Variants in MAML3 observed in about 807,000 individuals in gnomAD.
MAML3 encodes mastermind-like protein 3.
Under a neutral mutation model 101.9 loss-of-function variants are expected in MAML3, and 27 were observed. The observed-to-expected ratio is 0.27, with a 90% CI of 0.20 to 0.37. The LOEUF is 0.37. Ranked by LOEUF, MAML3 falls within the 10% of genes least tolerant of loss-of-function variation. MAML3 has a pLI of 1.00. For synonymous variants in MAML3, 501 were observed against 555.9 expected (o/e 0.90, Z 1.39); for missense variants, 1,316 against 1,444.9 (o/e 0.91, Z 1.45).
intron 1 of MAML3, among the ~76,000 whole-genome samples, chr4:140,097,519 G>A (rs1262270372): frequency 6.6e-6 from 1 of 152,016 alleles, no homozygotes; most frequent in Non-Finnish European, 1.5e-5. Flanking sequence ...TCAAAAAGAT[G>A]GGGCTTTGAA....
At chr4:139,965,071 A>G (rs1403134567) in intron 1 of MAML3, among the ~76,000 whole-genome samples, 2 of 152,270 alleles carry the variant, frequency 1.3e-5, no homozygotes, top group Non-Finnish European at 2.9e-5. Flanking sequence ...TAATTAAATT[A>G]CAAAAATCTA....
At chr4:140,152,637 C>T (rs1197325658) in intron 1 of MAML3, among the ~76,000 whole-genome samples, 2 of 152,124 alleles carry the variant, frequency 1.3e-5, no homozygotes, top group Non-Finnish European at 2.9e-5. Context: ...CTTCTCCCCT[C>T]TCGCCCCCTC....
intron 2 of MAML3, among the ~76,000 whole-genome samples, chr4:139,854,503 C>T (rs1212921448): frequency 6.7e-6 from 1 of 149,588 alleles, no homozygotes; most frequent in Admixed American, 6.7e-5. Context: ...CTCTCAGGGC[C>T]CTTCTAGGTC....
chr4:139,779,353 T>C (rs1474703238), intron 2 of MAML3, among the ~76,000 whole-genome samples: 1 of 152,224 alleles, frequency 6.6e-6, no homozygotes, highest in African/African-American at 2.4e-5. Context: ...CAAAGTGTTA[T>C]CATCAGGTGG....
intron 1 of MAML3, among the ~76,000 whole-genome samples, chr4:139,934,603 A>G (rs1560841442): frequency 6.6e-6 from 1 of 151,726 alleles, no homozygotes; most frequent in Non-Finnish European, 1.5e-5. Context: ...TCTTATTTCT[A>G]CCCCCATCGA....
chr4:139,737,051 C>T (rs1205959160), intron 2 of MAML3, among the ~76,000 whole-genome samples: 3 of 152,282 alleles, frequency 2.0e-5, no homozygotes, highest in African/African-American at 7.2e-5. Flanking sequence ...CCAGTTGCAA[C>T]TGTGCTGTGG....
intron 2 of MAML3, among the ~76,000 whole-genome samples, chr4:139,804,204 C>T (rs1181553873): frequency 6.6e-6 from 1 of 151,926 alleles, no homozygotes; most frequent in Non-Finnish European, 1.5e-5. Context: ...TGAAATTCAG[C>T]TATAGACTCT....
intron 2 of MAML3, among the ~76,000 whole-genome samples, chr4:139,829,274 A>G (rs1157461194): frequency 6.6e-6 from 1 of 152,036 alleles, no homozygotes; most frequent in Non-Finnish European, 1.5e-5. Flanking sequence ...GAAAGAAAGA[A>G]AAGAAAAAAG....
At chr4:139,804,235 A>G (rs1454182712) in intron 2 of MAML3, among the ~76,000 whole-genome samples, 3 of 151,592 alleles carry the variant, frequency 2.0e-5, no homozygotes, top group African/African-American at 7.3e-5. Flanking sequence ...AAATGCACAC[A>G]TGATACACAC....
At chr4:140,100,115 G>A (rs1728231326) in intron 1 of MAML3, among the ~76,000 whole-genome samples, 1 of 148,912 alleles carries the variant, frequency 6.7e-6, no homozygotes, top group Admixed American at 6.8e-5. Flanking sequence ...CATCTGCTCT[G>A]GTGCATGGAC....
chr4:140,017,836 G>A (rs764085162), intron 1 of MAML3, among the ~76,000 whole-genome samples: 1 of 124,594 alleles, frequency 8.0e-6, no homozygotes, highest in Admixed American at 9.3e-5. Flanking sequence ...AGTGGTTAGG[G>A]AAATGTTCTG....
At chr4:140,132,452 G>A (rs12509979) in intron 1 of MAML3, among the ~76,000 whole-genome samples, 22,725 of 152,172 alleles carry the variant, frequency 0.15, 1,871 homozygotes, top group East Asian at 0.27. Context: ...GGAAAAAAAC[G>A]CCTTTTCTAA....
intron 2 of MAML3, among the ~76,000 whole-genome samples, chr4:139,738,531 C>T (rs538200562): frequency 4.6e-5 from 7 of 152,142 alleles, no homozygotes; most frequent in South Asian, 2.1e-4. Context: ...CACAATACAG[C>T]GACACTCTGT....
chr4:139,994,386 C>T (rs777715202), intron 1 of MAML3, among the ~76,000 whole-genome samples: 1 of 152,124 alleles, frequency 6.6e-6, no homozygotes, highest in Non-Finnish European at 1.5e-5. Flanking sequence ...GAAATGCAGC[C>T]AGGTGCAGTG....
chr4:140,103,062 C>T (rs958948413), intron 1 of MAML3, among the ~76,000 whole-genome samples: 4 of 152,152 alleles, frequency 2.6e-5, no homozygotes, highest in Admixed American at 6.5e-5. Flanking sequence ...AGAAACTCCC[C>T]GACGCCACTC....
intron 2 of MAML3, among the ~76,000 whole-genome samples, chr4:139,864,674 CAAAAAAAAAAAAAA>C (rs70943450): frequency 4.3e-5 from 3 of 69,504 alleles, no homozygotes; most frequent in South Asian, 1.3e-3. Flanking sequence ...GGCTCCGTCT[CAAAAAAAAAAAAAA>C]AAAAAAAAAA....
chr4:139,966,875 A>G (rs1363648382), intron 1 of MAML3, among the ~76,000 whole-genome samples: 1 of 152,164 alleles, frequency 6.6e-6, no homozygotes, highest in Non-Finnish European at 1.5e-5. Context: ...CTGACTTCCC[A>G]CTAATCAAGT....
intron 1 of MAML3, among the ~76,000 whole-genome samples, chr4:140,067,575 A>G (rs946950509): frequency 3.3e-5 from 5 of 152,310 alleles, no homozygotes; most frequent in Admixed American, 1.3e-4. Flanking sequence ...TATTGTCTCA[A>G]TATTTAAAAA....
At chr4:140,109,066 C>T (rs1728399091) in intron 1 of MAML3, among the ~76,000 whole-genome samples, 3 of 152,290 alleles carry the variant, frequency 2.0e-5, no homozygotes, top group South Asian at 4.1e-4. Context: ...AAGCACCACA[C>T]ACTCACACAT....
Sources: allele counts gnomAD v4.1 joint callset (sites outside exome capture counted in the v4.1 genomes callset), GRCh38; gene constraint gnomAD v4.1.1; transcripts MANE v1.5; gene names NCBI Gene and HGNC (gene_info 2026-07-23, HGNC 2026-07-21).